Variants in DIP2C observed in about 807,000 individuals in gnomAD.
DIP2C encodes disco-interacting protein 2 homolog C.
In DIP2C, 33 loss-of-function variants were observed where a neutral mutation model predicts 192.4. The observed-to-expected ratio is 0.17, with a 90% CI of 0.13 to 0.23. DIP2C has a LOEUF of 0.23. Ranked by LOEUF, DIP2C falls within the 10% of genes least tolerant of loss-of-function variation. The pLI is 1.00. For missense variants in DIP2C, 1,537 were observed against 2,110.1 expected, an observed-to-expected ratio of 0.73 and a Z score of 5.32; for synonymous variants, 979 against 864.1, an observed-to-expected ratio of 1.13 and a Z score of -2.33.
intron 24 of DIP2C, among the ~76,000 whole-genome samples, chr10:354,228 G>GCC (rs746189193): frequency 2.8e-4 from 43 of 152,294 alleles, no homozygotes; most frequent in Non-Finnish European, 5.9e-4. Flanking sequence ...CCTACATCTG[G>GCC]CCCCCATCGG....
At chr10:448,847 G>A (rs1968584116) in intron 3 of DIP2C, among the ~76,000 whole-genome samples, 1 of 120,472 alleles carries the variant, frequency 8.3e-6, no homozygotes, top group African/African-American at 3.8e-5. Context: ...CACACACAGT[G>A]GGGCAGCAGG....
At chr10:424,623 CA>C (rs1455030704) in intron 4 of DIP2C, among the ~76,000 whole-genome samples, 1 of 152,148 alleles carries the variant, frequency 6.6e-6, no homozygotes, top group Non-Finnish European at 1.5e-5. Context: ...CTCAGCCTCC[CA>C]AAGTGCTGAG....
chr10:277,609 T>G (rs769364322), intron 36 of DIP2C, 32 bp from the exon 37 acceptor site: 2 of 1,609,904 alleles, frequency 1.2e-6, no homozygotes, highest in Non-Finnish European at 1.7e-6. Context: ...CATCATTATA[T>G]GTTTATTAAT....
At chr10:648,121 T>C (rs2131978558) in intron 1 of DIP2C, among the ~76,000 whole-genome samples, 1 of 146,448 alleles carries the variant, frequency 6.8e-6, no homozygotes. Context: ...CATTGGACGG[T>C]GGGCGAGAAC....
chr10:571,167 G>A (rs147746308), intron 1 of DIP2C, among the ~76,000 whole-genome samples: 52 of 152,324 alleles, frequency 3.4e-4, no homozygotes, highest in Admixed American at 9.1e-4. Context: ...AGCTAAACCG[G>A]GAAAAATCCA....
At position 414,004 on chromosome 10, in the gene DIP2C, G is replaced by A. The variant is rs754015334; in HGVS notation, c.966C>T (p.Ala322=). The change falls in exon 8 of 37, where the codon GCC becomes GCT. Residue 322 remains alanine (A), a synonymous_variant. Coordinates refer to ENST00000280886, the MANE Select transcript of DIP2C (RefSeq NM_014974.3). ...AGATGGTGCCCCACCTCTGCAGTGC[G>A]GCCTCCAGCGACGGCGGCCAGTTCG... The part of the protein sequence containing the change: ...VVTNWPPSLE[A]ALQRWGTISP... 1.5e-5 allele frequency: 24 copies of A among 1,614,006 alleles called. No individual in the cohort carries two copies. Among genetic ancestry groups the A allele is most frequent in the African/African-American group, 9.3e-5 (7 of 74,946 alleles).
At chr10:524,692 G>A (rs1040348574) in intron 1 of DIP2C, among the ~76,000 whole-genome samples, 13 of 151,992 alleles carry the variant, frequency 8.6e-5, no homozygotes, top group African/African-American at 2.9e-4. Context: ...TTGCACTCTC[G>A]CAATTTCTTA....
intron 32 of DIP2C, among the ~76,000 whole-genome samples, chr10:303,813 G>A (rs1384422879): frequency 1.3e-5 from 2 of 152,150 alleles, no homozygotes; most frequent in East Asian, 1.9e-4. Context: ...ATGAGCCGCC[G>A]CGCCTGGCCG....
intron 1 of DIP2C, among the ~76,000 whole-genome samples, chr10:600,460 C>T (rs1243544084): frequency 6.6e-6 from 1 of 150,580 alleles, no homozygotes; most frequent in Admixed American, 6.6e-5. Context: ...CGGAGCCACC[C>T]GACAGCCCTT....
intron 1 of DIP2C, among the ~76,000 whole-genome samples, chr10:548,213 C>CA (rs796335089): frequency 1.3e-4 from 13 of 100,306 alleles, no homozygotes; most frequent in African/African-American, 4.4e-4. Flanking sequence ...GCCCCACCCC[C>CA]CCCCCCACAG....
intron 1 of DIP2C, among the ~76,000 whole-genome samples, chr10:571,881 T>C (rs570260656): frequency 6.6e-6 from 1 of 152,324 alleles, no homozygotes; most frequent in East Asian, 1.9e-4. Context: ...AGCACCGTGC[T>C]CATAATGTAA....
At chr10:508,541 T>A (rs1202547798) in intron 1 of DIP2C, among the ~76,000 whole-genome samples, 2 of 152,206 alleles carry the variant, frequency 1.3e-5, no homozygotes, top group Admixed American at 1.3e-4. Flanking sequence ...TGGTTCCGGA[T>A]TTCCTGTGAG....
intron 1 of DIP2C, among the ~76,000 whole-genome samples, chr10:586,947 C>A (rs1214257764): frequency 1.3e-5 from 2 of 151,810 alleles, no homozygotes; most frequent in Non-Finnish European, 2.9e-5. Flanking sequence ...GAGGGGCAAA[C>A]AGTGCAGTGT....
At chr10:661,774 C>T (rs193171731) in intron 1 of DIP2C, among the ~76,000 whole-genome samples, 28 of 152,324 alleles carry the variant, frequency 1.8e-4, no homozygotes, top group African/African-American at 4.8e-4. Context: ...CACCCTGGTC[C>T]GGATTTTCCC....
chr10:301,441 G>T (rs1956042474), intron 32 of DIP2C, among the ~76,000 whole-genome samples: 1 of 152,184 alleles, frequency 6.6e-6, no homozygotes, highest in Non-Finnish European at 1.5e-5. Context: ...GGCAGCTGCA[G>T]CGGGTCACAG....
chr10:541,320 C>A, intron 1 of DIP2C, among the ~76,000 whole-genome samples: 1 of 152,170 alleles, frequency 6.6e-6, no homozygotes, highest in East Asian at 1.9e-4. Flanking sequence ...CACAGACATG[C>A]TCAGGTCCAG....
intron 1 of DIP2C, among the ~76,000 whole-genome samples, chr10:679,828 C>T (rs1831068377): frequency 6.6e-6 from 1 of 152,228 alleles, no homozygotes; most frequent in East Asian, 1.9e-4. Context: ...CTCCCTTCCA[C>T]AGATTTCCTC....
intron 1 of DIP2C, among the ~76,000 whole-genome samples, chr10:615,095 G>A (rs1218374675): frequency 6.6e-6 from 1 of 152,206 alleles, no homozygotes; most frequent in African/African-American, 2.4e-5. Context: ...CATTAAGAAA[G>A]GAGAATTAAG....
chr10:573,708 T>C (rs1439679219), intron 1 of DIP2C, among the ~76,000 whole-genome samples: 3 of 150,612 alleles, frequency 2.0e-5, no homozygotes, highest in Non-Finnish European at 4.4e-5. Flanking sequence ...TCACGCCGGC[T>C]TTTTTTTTCC....
Sources: gnomAD v4.1 joint callset for allele counts (sites outside exome capture counted in the v4.1 genomes callset) on GRCh38, gnomAD v4.1.1 for gene constraint, MANE v1.5 for transcripts, NCBI Gene and HGNC (gene_info 2026-07-23, HGNC 2026-07-21) for gene names.